SH3KBP1: variants seen among roughly 807,000 people sequenced by gnomAD.
The protein encoded by SH3KBP1 is SH3 domain containing kinase binding protein 1, also known as SH3 domain-containing kinase-binding protein 1.
In SH3KBP1, 8 loss-of-function variants were observed where a neutral mutation model predicts 50.1. The observed-to-expected ratio is 0.16, with a 90% confidence interval of 0.09 to 0.29. SH3KBP1 has a LOEUF of 0.29. Among genes scored for constraint, SH3KBP1 ranks in the 10% least tolerant of loss-of-function variants. The pLI, the probability that SH3KBP1 is intolerant of heterozygous loss-of-function variation, is 1.00. For synonymous variants in SH3KBP1, 227 were observed against 218.6 expected (o/e 1.04, Z -0.34); for missense variants, 377 against 535.2 (o/e 0.70, Z 2.92).
chrX:19,792,565 G>T (rs2066565339), intron 2 of SH3KBP1, among the ~76,000 whole-genome samples: 2 of 110,857 alleles, frequency 1.8e-5, no homozygotes, highest in African/African-American at 6.6e-5. Flanking sequence ...TTGCCCCTTT[G>T]CAGGTCTTTC....
At chrX:19,610,007 G>C (rs1343937103) in intron 8 of SH3KBP1, among the ~76,000 whole-genome samples, 2 of 111,423 alleles carry the variant, frequency 1.8e-5, no homozygotes, top group African/African-American at 6.5e-5. Flanking sequence ...CTGTTACAAA[G>C]ATAAGCTGAC....
intron 6 of SH3KBP1, among the ~76,000 whole-genome samples, chrX:19,672,396 C>A (rs774064452): frequency 8.9e-6 from 1 of 111,745 alleles, no homozygotes; most frequent in East Asian, 2.8e-4. Flanking sequence ...AGGGAAAAAA[C>A]CAGAACTTTC....
intron 3 of SH3KBP1, among the ~76,000 whole-genome samples, chrX:19,709,134 TAAAGGCCTGCCTGGTGTCAGAAG>T (rs2063720085): frequency 8.9e-6 from 1 of 112,128 alleles, no homozygotes; most frequent in African/African-American, 3.2e-5. Flanking sequence ...CGGACTTCCA[TAAAGGCCTGCCTGGTGTCAGAAG>T]AATGATGTCT....
At chrX:19,856,866 A>G (rs1349754932) in intron 1 of SH3KBP1, among the ~76,000 whole-genome samples, 3 of 105,865 alleles carry the variant, frequency 2.8e-5, no homozygotes, top group African/African-American at 1.0e-4. Flanking sequence ...CTACACAAAC[A>G]TTACTAAAAG....
chrX:19,810,971 T>A (rs1231549097), intron 2 of SH3KBP1, among the ~76,000 whole-genome samples: 1 of 111,859 alleles, frequency 8.9e-6, no homozygotes, highest in Non-Finnish European at 1.9e-5. Context: ...CACACTAACC[T>A]CCATATTCAA....
chrX:19,766,269 T>C (rs1294618837), intron 2 of SH3KBP1, among the ~76,000 whole-genome samples: 3 of 110,202 alleles, frequency 2.7e-5, no homozygotes, highest in African/African-American at 3.3e-5. Flanking sequence ...GTCAGTGATG[T>C]TGAGCATCTT....
chrX:19,788,281 A>AC (rs2066417008), intron 2 of SH3KBP1, among the ~76,000 whole-genome samples: 1 of 99,178 alleles, frequency 1.0e-5, no homozygotes, highest in African/African-American at 3.8e-5. Context: ...AAAAAAAAAA[A>AC]AAAACAAAAA....
At chrX:19,810,983 C>T (rs1003995467) in intron 2 of SH3KBP1, among the ~76,000 whole-genome samples, 2 of 112,015 alleles carry the variant, frequency 1.8e-5, no homozygotes, top group African/African-American at 6.5e-5. Context: ...CATATTCAAG[C>T]GTTTCAGCAT....
chrX:19,554,018 T>TC (rs1385780177), intron 13 of SH3KBP1, among the ~76,000 whole-genome samples: 3 of 67,387 alleles, frequency 4.5e-5, no homozygotes, highest in Admixed American at 2.4e-4. Flanking sequence ...ATATATAATA[T>TC]ATATTAAAAT....
intron 1 of SH3KBP1, among the ~76,000 whole-genome samples, chrX:19,854,126 C>G (rs1274096414): frequency 1.8e-5 from 2 of 109,731 alleles, no homozygotes; most frequent in African/African-American, 6.6e-5. Flanking sequence ...TTCTTTCTTT[C>G]TTTTTTTGAG....
intron 12 of SH3KBP1, chrX:19,588,268 T>C: frequency 1.0e-6 from 1 of 962,767 alleles, no homozygotes; most frequent in Non-Finnish European, 1.4e-6. Flanking sequence ...ATATACATAC[T>C]TGAGGCCGGC....
chrX:19,764,930 T>C (rs1228846662), intron 2 of SH3KBP1, among the ~76,000 whole-genome samples: 2 of 102,261 alleles, frequency 2.0e-5, no homozygotes, highest in African/African-American at 7.2e-5. Flanking sequence ...TGCCTCAGCC[T>C]CCTGAATAGC....
intron 13 of SH3KBP1, among the ~76,000 whole-genome samples, chrX:19,550,395 T>C (rs1682921984): frequency 9.0e-6 from 1 of 111,681 alleles, no homozygotes; most frequent in African/African-American, 3.3e-5. Flanking sequence ...GAATCCTCTT[T>C]TTTCCACAAA....
chrX:19,574,664 T>C (rs2066143077), intron 12 of SH3KBP1, among the ~76,000 whole-genome samples: 1 of 112,376 alleles, frequency 8.9e-6, no homozygotes, highest in African/African-American at 3.2e-5. Context: ...AGGCCCCACC[T>C]CTTATTCTGT....
At chrX:19,760,172 G>T (rs766018079) in intron 2 of SH3KBP1, among the ~76,000 whole-genome samples, 10 of 107,149 alleles carry the variant, frequency 9.3e-5, no homozygotes, top group Admixed American at 2.0e-4. Context: ...TGGATCACAA[G>T]GTCAGGAGAT....
At chrX:19,769,075 ATTTT>A (rs36059368) in intron 2 of SH3KBP1, among the ~76,000 whole-genome samples, 2 of 81,144 alleles carry the variant, frequency 2.5e-5, no homozygotes. Context: ...CTGCGTTATA[ATTTT>A]TTTTTTTTTT....
At chrX:19,872,122 C>CT (rs2069059752) in intron 1 of SH3KBP1, among the ~76,000 whole-genome samples, 1 of 108,054 alleles carries the variant, frequency 9.3e-6, no homozygotes, top group African/African-American at 3.4e-5. Flanking sequence ...CATGGTGACG[C>CT]ATGGCTGTAA....
chrX:19,876,300 G>A (rs1347393636), intron 1 of SH3KBP1, among the ~76,000 whole-genome samples: 1 of 112,190 alleles, frequency 8.9e-6, no homozygotes, highest in East Asian at 2.8e-4. Context: ...GACACAGGTT[G>A]CAGTGAGCGG....
intron 12 of SH3KBP1, among the ~76,000 whole-genome samples, chrX:19,587,534 G>T (rs1299266054): frequency 8.9e-6 from 1 of 112,181 alleles, no homozygotes; most frequent in Non-Finnish European, 1.9e-5. Context: ...GAGAGTAAAT[G>T]AGCTCTTTTT....
Sources: allele counts gnomAD v4.1 joint callset (sites outside exome capture counted in the v4.1 genomes callset), GRCh38; gene constraint gnomAD v4.1.1; transcripts MANE v1.5; gene names NCBI Gene and HGNC (gene_info 2026-07-23, HGNC 2026-07-21).